The following PALS1 variants were observed in gnomAD, a reference collection of about 807,000 sequenced individuals.
PALS1 encodes the protein protein associated with LIN7 1, MAGUK p55 family member, also known as protein PALS1.
In PALS1, 31 loss-of-function variants were observed where a neutral mutation model predicts 78.9. The observed-to-expected ratio is 0.39, with a 90% CI of 0.30 to 0.53. The LOEUF is 0.53. Among genes scored for constraint, PALS1 ranks in the 20% least tolerant of loss-of-function variants. The pLI is 0.67. For missense variants in PALS1, 704 were observed against 826.5 expected (o/e 0.85, Z 1.82); for synonymous variants, 276 against 270.9 (o/e 1.02, Z -0.18).
intron 1 of PALS1, among the ~76,000 whole-genome samples, chr14:67,253,040 C>T (rs2084090171): frequency 6.6e-6 from 1 of 152,222 alleles, no homozygotes; most frequent in South Asian, 2.1e-4. Context: ...ACAGGCTTTA[C>T]AGTGCAGTTA....
intron 3 of PALS1, among the ~76,000 whole-genome samples, chr14:67,281,089 G>A (rs941488570): frequency 4.0e-5 from 6 of 151,698 alleles, no homozygotes; most frequent in Non-Finnish European, 5.9e-5. Flanking sequence ...AGTAGAGACC[G>A]GGTTTCACCA....
At chr14:67,288,172 G>A (rs1349313089) in intron 3 of PALS1, among the ~76,000 whole-genome samples, 2 of 151,988 alleles carry the variant, frequency 1.3e-5, no homozygotes, top group Non-Finnish European at 2.9e-5. Flanking sequence ...TTCCGCCTCC[G>A]AGGTTCAAGC....
chr14:67,252,016 G>A (rs927954270), intron 1 of PALS1, among the ~76,000 whole-genome samples: 3 of 152,130 alleles, frequency 2.0e-5, no homozygotes, highest in Non-Finnish European at 2.9e-5. Flanking sequence ...GGTGCTGGGA[G>A]GCTGGTTTGA....
Position 67,302,584 on chromosome 14 carries a change from A to G in PALS1, c.963+13A>G. ...TTTTGACTTGTTGGTAAGTTGACGC[A>G]GCTAGAAGAATAATTGATAGCTTTT... On this transcript the variant is annotated intron_variant, in intron 7 of 14. Transcript: ENST00000261681. 4 of 1,453,880 alleles carry G rather than the reference A, an allele frequency of 2.8e-6. No individual in the cohort carries two copies. The South Asian group carries it at 4.9e-5, about 18-fold the overall frequency. The allele number at this position is 1,453,880 out of a possible 1,614,324, so 90.1% of individuals were successfully genotyped here. A position where few individuals can be genotyped will look rare whatever the true frequency, so the allele number is the denominator to read the frequency against.
intron 1 of PALS1, among the ~76,000 whole-genome samples, chr14:67,263,980 C>T (rs117973652): frequency 2.5e-3 from 383 of 152,240 alleles, no homozygotes; most frequent in Non-Finnish European, 3.3e-3. Flanking sequence ...CCACTATAGC[C>T]GTGAACTCCT....
At chr14:67,254,147 T>G (rs1244183176) in intron 1 of PALS1, 1 of 150,946 alleles carries the variant, frequency 6.6e-6, no homozygotes, top group East Asian at 1.9e-4. Flanking sequence ...ATTTGTTTAC[T>G]TATCTGATAT....
At position 67,245,629 on chromosome 14, in the gene PALS1, C is replaced by T. The variant is rs552950107; in HGVS notation, c.-237+4096C>T. On this transcript the variant is annotated intron_variant, in intron 1 of 14. Transcript: ENST00000261681. ...AGCCTCCCAAAGTGGTGGGATAACA[C>T]GCATGAGCCGCTGCCCCAAAAGTTT... Among the ~76,000 whole-genome samples the T allele has an allele frequency of 5.9e-5, 9 of 152,074 alleles. No homozygotes were observed. In the East Asian group the frequency reaches 1.2e-3, roughly 20 times the overall value.
intron 3 of PALS1, among the ~76,000 whole-genome samples, chr14:67,285,860 C>T (rs1362602995): frequency 2.6e-5 from 4 of 152,030 alleles, no homozygotes; most frequent in South Asian, 2.1e-4. Context: ...ACAGAGTTTA[C>T]GAGGGTGGAT....
chr14:67,248,344 ATC>A (rs1460247233), intron 1 of PALS1, among the ~76,000 whole-genome samples: 2 of 151,994 alleles, frequency 1.3e-5, no homozygotes. Flanking sequence ...ACATAACAAG[ATC>A]TCTTTTCTTA....
intron 1 of PALS1, among the ~76,000 whole-genome samples, chr14:67,269,103 C>A (rs1567510630): frequency 1.3e-5 from 2 of 152,264 alleles, no homozygotes; most frequent in East Asian, 3.9e-4. Context: ...CTGGATATTT[C>A]ATAAATAGAA....
intron 8 of PALS1, among the ~76,000 whole-genome samples, chr14:67,305,561 G>A (rs566865277): frequency 1.1e-4 from 16 of 152,258 alleles, no homozygotes; most frequent in South Asian, 6.2e-4. Flanking sequence ...GATTACAGAC[G>A]TGAGCCACAA....
chr14:67,284,102 A>G (rs1384593548), intron 3 of PALS1, among the ~76,000 whole-genome samples: 1 of 152,222 alleles, frequency 6.6e-6, no homozygotes, highest in Non-Finnish European at 1.5e-5. Flanking sequence ...AGTAAATGGC[A>G]CACTACAGGT....
At chr14:67,257,358 G>A (rs1595564602) in intron 1 of PALS1, among the ~76,000 whole-genome samples, 1 of 152,248 alleles carries the variant, frequency 6.6e-6, no homozygotes, top group Non-Finnish European at 1.5e-5. Context: ...AGGGAGGTAT[G>A]TAGCTTTTTA....
chr14:67,313,607 A>G (rs1460008055), intron 9 of PALS1, among the ~76,000 whole-genome samples: 1 of 152,230 alleles, frequency 6.6e-6, no homozygotes, highest in African/African-American at 2.4e-5. Flanking sequence ...AGGCAAAGGA[A>G]TACATACAGG....
At chr14:67,309,242 A>G (rs1414647000) in intron 8 of PALS1, among the ~76,000 whole-genome samples, 1 of 152,150 alleles carries the variant, frequency 6.6e-6, no homozygotes, top group East Asian at 1.9e-4. Flanking sequence ...AATAATTTTG[A>G]CACTAGCAGG....
intron 1 of PALS1, among the ~76,000 whole-genome samples, chr14:67,257,897 G>C (rs1470601051): frequency 2.0e-5 from 3 of 152,084 alleles, no homozygotes; most frequent in Non-Finnish European, 4.4e-5. Flanking sequence ...CAACACAAAA[G>C]TTGTATATTA....
At chr14:67,308,145 GGGT>G (rs1182723660) in intron 8 of PALS1, among the ~76,000 whole-genome samples, 3 of 151,730 alleles carry the variant, frequency 2.0e-5, no homozygotes, top group Non-Finnish European at 2.9e-5. Context: ...CTTAATACCT[GGGT>G]GATGAAATAA....
intron 1 of PALS1, among the ~76,000 whole-genome samples, chr14:67,245,496 A>C (rs1427555632): frequency 6.6e-6 from 1 of 151,916 alleles, no homozygotes; most frequent in Non-Finnish European, 1.5e-5. Context: ...CTTATTGCTG[A>C]ATTTATTATT....
intron 14 of PALS1, among the ~76,000 whole-genome samples, chr14:67,324,314 TA>T (rs1274953131): frequency 1.3e-5 from 2 of 152,228 alleles, no homozygotes; most frequent in African/African-American, 4.8e-5. Flanking sequence ...TAAACATTAA[TA>T]ATTGACTGAT....
Sources: gnomAD v4.1 joint callset for allele counts (sites outside exome capture counted in the v4.1 genomes callset) on GRCh38, gnomAD v4.1.1 for gene constraint, MANE v1.5 for transcripts, NCBI Gene and HGNC (gene_info 2026-07-23, HGNC 2026-07-21) for gene names.